Variants in TRDN observed in about 807,000 individuals in gnomAD.
TRDN encodes the protein triadin in skeletal muscle.
A neutral mutation model predicts 149.7 loss-of-function variants in TRDN; 161 were observed. The observed-to-expected ratio is 1.08, with a 90% CI of 0.95 to 1.23. The LOEUF (loss-of-function observed/expected upper bound fraction) is 1.23, where lower values mean the gene tolerates loss of function less well. Among genes scored for constraint, TRDN ranks in the 50% most tolerant of loss-of-function variants. The pLI, the probability that TRDN is intolerant of heterozygous loss-of-function variation, is 0.00. For synonymous variants in TRDN, 294 were observed against 250.5 expected (o/e 1.17, Z -1.64); for missense variants, 896 against 823.5 (o/e 1.09, Z -1.08).
intron 39 of TRDN, among the ~76,000 whole-genome samples, chr6:123,223,433 C>G (rs1448442995): frequency 6.6e-6 from 1 of 151,718 alleles, no homozygotes; most frequent in African/African-American, 2.4e-5. Flanking sequence ...ACCCCTAAAC[C>G]TAAAGTAAAA....
intron 1 of TRDN, among the ~76,000 whole-genome samples, chr6:123,588,382 C>A (rs1011605021): frequency 6.6e-6 from 1 of 152,136 alleles, no homozygotes; most frequent in South Asian, 2.1e-4. Flanking sequence ...TGGCAAGTTG[C>A]ACCTGAATTC....
At chr6:123,326,266 C>T (rs1403963377) in intron 23 of TRDN, among the ~76,000 whole-genome samples, 1 of 151,994 alleles carries the variant, frequency 6.6e-6, no homozygotes, top group Non-Finnish European at 1.5e-5. Flanking sequence ...ATACTCACAC[C>T]CAAATAGCCA....
chr6:123,336,689 A>G (rs1027884724), intron 22 of TRDN, among the ~76,000 whole-genome samples: 1 of 151,868 alleles, frequency 6.6e-6, no homozygotes, highest in African/African-American at 2.4e-5. Context: ...ATTACATCAT[A>G]TTAGATGCAG....
intron 1 of TRDN, among the ~76,000 whole-genome samples, chr6:123,624,001 G>A (rs1271471410): frequency 6.6e-6 from 1 of 151,962 alleles, no homozygotes. Context: ...CTTTGAACTG[G>A]CAGCCCAGTG....
intron 1 of TRDN, among the ~76,000 whole-genome samples, chr6:123,578,937 T>C (rs953901617): frequency 2.0e-5 from 3 of 152,142 alleles, no homozygotes; most frequent in African/African-American, 7.2e-5. Flanking sequence ...GCCTTCCTGA[T>C]TTGGCTGTCA....
chr6:123,319,294 C>T (rs1023439300), intron 23 of TRDN, among the ~76,000 whole-genome samples: 1 of 151,534 alleles, frequency 6.6e-6, no homozygotes, highest in Non-Finnish European at 1.5e-5. Flanking sequence ...GAGAAAGTGG[C>T]AACGGATTTT....
At chr6:123,318,462 C>G (rs552157237) in intron 23 of TRDN, among the ~76,000 whole-genome samples, 136 of 152,120 alleles carry the variant, frequency 8.9e-4, no homozygotes, top group Non-Finnish European at 1.6e-3. Flanking sequence ...AACCAAGATT[C>G]CATTTTCCCA....
intron 23 of TRDN, among the ~76,000 whole-genome samples, chr6:123,324,182 G>A (rs541209148): frequency 7.2e-4 from 109 of 152,228 alleles, no homozygotes; most frequent in African/African-American, 2.6e-3. Flanking sequence ...TACCAGTATC[G>A]ATTTTCTTGA....
At chr6:123,281,461 T>TAA (rs1350878027) in intron 24 of TRDN, among the ~76,000 whole-genome samples, 1 of 152,054 alleles carries the variant, frequency 6.6e-6, no homozygotes, top group Admixed American at 6.6e-5. Flanking sequence ...GGGACATAGC[T>TAA]ATGTGCTCTG....
chr6:123,436,180 C>T (rs371443057), intron 12 of TRDN, among the ~76,000 whole-genome samples: 2 of 151,948 alleles, frequency 1.3e-5, no homozygotes, highest in South Asian at 4.1e-4. Flanking sequence ...TTATCTTTAC[C>T]CCTCAATCAT....
intron 1 of TRDN, among the ~76,000 whole-genome samples, chr6:123,606,262 A>G (rs1198663215): frequency 5.9e-5 from 9 of 152,110 alleles, no homozygotes; most frequent in Non-Finnish European, 1.2e-4. Flanking sequence ...AATCTGAAAA[A>G]TATTTTAATG....
intron 24 of TRDN, among the ~76,000 whole-genome samples, chr6:123,281,340 G>T (rs6569332): frequency 0.1 from 15,278 of 151,966 alleles, 2,549 homozygotes; most frequent in African/African-American, 0.35. Context: ...CCCTAAATGT[G>T]TGATGGCTTT....
intron 10 of TRDN, chr6:123,464,467 G>A: frequency 1.0e-6 from 1 of 976,468 alleles, no homozygotes; most frequent in South Asian, 4.3e-5. Context: ...TCTTAGAGAT[G>A]GCAAAACTCA....
chr6:123,339,300 C>T (rs753671349), intron 21 of TRDN, among the ~76,000 whole-genome samples: 1 of 152,052 alleles, frequency 6.6e-6, no homozygotes, highest in African/African-American at 2.4e-5. Context: ...CCACCATGCC[C>T]GGCCATGTAT....
chr6:123,332,780 A>G (rs2114728839), intron 22 of TRDN, among the ~76,000 whole-genome samples: 1 of 152,154 alleles, frequency 6.6e-6, no homozygotes, highest in East Asian at 1.9e-4. Context: ...GGGTGAAAAT[A>G]CAGAGACTGT....
intron 10 of TRDN, among the ~76,000 whole-genome samples, chr6:123,453,993 G>T (rs2063018879): frequency 6.6e-6 from 1 of 152,030 alleles, no homozygotes; most frequent in Non-Finnish European, 1.5e-5. Flanking sequence ...ACCTGGATGA[G>T]ATTGGAGACT....
chr6:123,327,882 A>G (rs1779518184), intron 23 of TRDN, among the ~76,000 whole-genome samples: 1 of 152,158 alleles, frequency 6.6e-6, no homozygotes, highest in African/African-American at 2.4e-5. Context: ...TTTATATTTA[A>G]TATTTAAACA....
intron 12 of TRDN, among the ~76,000 whole-genome samples, chr6:123,400,893 G>T (rs1772941302): frequency 1.3e-5 from 2 of 152,164 alleles, no homozygotes; most frequent in Admixed American, 1.3e-4. Flanking sequence ...AGAATTGTGT[G>T]AATGTAGTCC....
Position 123,253,197 on chromosome 6 carries a change from T to G in TRDN, c.1952-762A>C, listed in dbSNP as rs78379709. ...AATGTGCTTTCTTATTAAGCTGTAT[T>G]TAGGACAAAATAACTAAGGTGAAAT... On this transcript the variant is annotated intron_variant, in intron 37 of 40. Coordinates refer to ENST00000334268, the MANE Select transcript of TRDN (RefSeq NM_006073.4). Among the ~76,000 whole-genome samples, 1,258 of 152,156 alleles carry G rather than the reference T, an allele frequency of 8.3e-3. 27 individuals carry two copies. The highest frequency in any genetic ancestry group is 0.079 in the East Asian group (408 of 5,172).
Sources: gnomAD v4.1 joint callset for allele counts (sites outside exome capture counted in the v4.1 genomes callset) on GRCh38, gnomAD v4.1.1 for gene constraint, MANE v1.5 for transcripts, NCBI Gene and HGNC (gene_info 2026-07-23, HGNC 2026-07-21) for gene names.